SPSB1: variants seen among roughly 807,000 people sequenced by gnomAD.
SPSB1 encodes splA/ryanodine receptor domain and SOCS box containing 1.
A neutral mutation model predicts 21.2 loss-of-function variants in SPSB1; 8 were observed. That is an observed-to-expected ratio of 0.38 (90% confidence interval 0.22 to 0.68). SPSB1 has a LOEUF of 0.68. Among genes scored for constraint, SPSB1 ranks in the 30% least tolerant of loss-of-function variants. SPSB1 has a pLI of 0.53. For synonymous variants in SPSB1, 169 were observed against 161.7 expected (o/e 1.05, Z -0.34); for missense variants, 242 against 377.8 (o/e 0.64, Z 2.98).
At chr1:9,349,573 T>C (rs1241389765) in intron 1 of SPSB1, among the ~76,000 whole-genome samples, 1 of 152,186 alleles carries the variant, frequency 6.6e-6, no homozygotes, top group African/African-American at 2.4e-5. Flanking sequence ...CGTGGGTGGG[T>C]GGACGGCTTG....
intron 1 of SPSB1, among the ~76,000 whole-genome samples, chr1:9,295,697 C>A (rs115843159): frequency 6.6e-6 from 1 of 152,186 alleles, no homozygotes; most frequent in East Asian, 1.9e-4. Context: ...TGGTGTGTGC[C>A]GTGCTCCCTT....
At chr1:9,359,852 G>GGC (rs1553128818) in intron 2 of SPSB1, among the ~76,000 whole-genome samples, 2 of 151,102 alleles carry the variant, frequency 1.3e-5, no homozygotes, top group Non-Finnish European at 2.9e-5. Flanking sequence ...GAAGCCGGGG[G>GGC]GGTGGGTGGC....
At chr1:9,301,269 T>C (rs527618436) in intron 1 of SPSB1, among the ~76,000 whole-genome samples, 3 of 152,124 alleles carry the variant, frequency 2.0e-5, no homozygotes, top group African/African-American at 7.2e-5. Context: ...GTGGGAGGAT[T>C]GCTTGAGCCC....
At chr1:9,329,805 G>C (rs1320528556) in intron 1 of SPSB1, among the ~76,000 whole-genome samples, 2 of 152,148 alleles carry the variant, frequency 1.3e-5, no homozygotes, top group African/African-American at 4.8e-5. Flanking sequence ...TGGGGCCGTG[G>C]GGATGGTAGG....
rs1379197291 is a variant in SPSB1, at chr1:9,302,582, C to G, written c.-150+9511C>G. Among the ~76,000 whole-genome samples, 4 of 152,314 alleles carry G rather than the reference C, an allele frequency of 2.6e-5. No individual in the cohort carries two copies. The East Asian group carries it at 7.7e-4, about 29-fold the overall frequency. ...CGCTTGGATGTCAGAACTCCAGGTT[C>G]TCTGGCCTTTGGACTCTGGGACTCG... is the stretch of plus-strand genomic sequence containing the variant. On this transcript the variant is annotated intron_variant, in intron 1 of 2. Transcript: ENST00000328089.
In SPSB1 at chr1:9,293,736, G is replaced by C. The variant is rs956880830; in HGVS notation, c.-150+665G>C. Among the ~76,000 whole-genome samples, 2 of 152,194 alleles carry C rather than the reference G, an allele frequency of 1.3e-5. No homozygotes were observed. The highest frequency in any genetic ancestry group is 4.8e-5 in the African/African-American group (2 of 41,448). ...TGGGCCCGCGGGAGGAACCGCGGAT[G>C]GGTCACCGTCCCCGGGCGTGTACTG... is the stretch of plus-strand genomic sequence containing the variant. On this transcript the variant is annotated intron_variant, in intron 1 of 2. Coordinates refer to ENST00000328089, the MANE Select transcript of SPSB1 (RefSeq NM_025106.4). This position sits in a 1 kb window ranked among gnomAD's most constrained non-coding sequence, Gnocchi z 5.1.
intron 1 of SPSB1, among the ~76,000 whole-genome samples, chr1:9,296,557 G>A (rs915597035): frequency 8.4e-6 from 1 of 118,860 alleles, no homozygotes; most frequent in Non-Finnish European, 1.9e-5. Flanking sequence ...ATATGCACAT[G>A]CATACTTATG....
chr1:9,357,471 C>T (rs552383871), intron 2 of SPSB1, among the ~76,000 whole-genome samples: 13 of 152,342 alleles, frequency 8.5e-5, no homozygotes, highest in African/African-American at 2.6e-4. Flanking sequence ...AGCATATCAT[C>T]GAGCTGGGGT....
intron 1 of SPSB1, among the ~76,000 whole-genome samples, chr1:9,322,990 G>A (rs1008272426): frequency 3.9e-5 from 6 of 152,048 alleles, no homozygotes; most frequent in East Asian, 1.9e-4. Context: ...TTCCCGTGCC[G>A]CCAGCACTGA....
intron 1 of SPSB1, among the ~76,000 whole-genome samples, chr1:9,328,663 A>G (rs1443450408): frequency 6.6e-6 from 1 of 152,216 alleles, no homozygotes; most frequent in Non-Finnish European, 1.5e-5. Flanking sequence ...TGGGAGAGCC[A>G]TGGAGTTGAC....
chr1:9,351,341 T>A (rs1640255871), intron 1 of SPSB1: 1 of 152,284 alleles, frequency 6.6e-6, no homozygotes. Flanking sequence ...CCAGATGTGG[T>A]GACCAGGAAG....
chr1:9,315,262 C>T lies in SPSB1; in HGVS notation c.-150+22191C>T, dbSNP rs185902558. Among the ~76,000 whole-genome samples, 201 of 152,318 alleles carry T rather than the reference C, an allele frequency of 1.3e-3. 3 individuals carry two copies. Among genetic ancestry groups the T allele is most frequent in the Admixed American group, 0.013 (193 of 15,294 alleles). Reference sequence around the variant, plus strand: ...GGAACCAGCTCAGCAGATTCCACTGCGACAAAAGACCCCGTACTGGCTCCA... The same window carrying T: ...GGAACCAGCTCAGCAGATTCCACTGTGACAAAAGACCCCGTACTGGCTCCA... On this transcript the variant is annotated intron_variant, in intron 1 of 2. Coordinates refer to ENST00000328089, the MANE Select transcript of SPSB1 (RefSeq NM_025106.4).
chr1:9,342,516 T>A (rs1466156910), intron 1 of SPSB1, among the ~76,000 whole-genome samples: 1 of 152,012 alleles, frequency 6.6e-6, no homozygotes, highest in Admixed American at 6.6e-5. Flanking sequence ...TGCCTCAGGG[T>A]GTTGACCTGC....
Position 9,303,693 on chromosome 1 carries a change from C to T in SPSB1, c.-150+10622C>T, listed in dbSNP as rs151297378. Among the ~76,000 whole-genome samples the T allele has an allele frequency of 1.9e-3, 295 of 152,292 alleles. 4 individuals carry two copies. Among genetic ancestry groups the T allele is most frequent in the Middle Eastern group, 6.8e-3 (2 of 294 alleles). On this transcript the variant is annotated intron_variant, in intron 1 of 2. Transcript: ENST00000328089. ...AAGGGATTAATGTGTCTTTGCTATG[C>T]AGGATAGTAGTGTCACGATAGGTGG...
At chr1:9,299,437 G>A (rs1639279529) in intron 1 of SPSB1, among the ~76,000 whole-genome samples, 1 of 152,144 alleles carries the variant, frequency 6.6e-6, no homozygotes, top group Non-Finnish European at 1.5e-5. Context: ...TTAGGAGTTT[G>A]AGACCAGCCT....
intron 1 of SPSB1, among the ~76,000 whole-genome samples, chr1:9,310,459 G>A (rs1006125598): frequency 8.5e-5 from 13 of 152,126 alleles, no homozygotes; most frequent in African/African-American, 2.4e-4. Flanking sequence ...TTGGGAGGCC[G>A]AGGCAGGCAG....
intron 2 of SPSB1, among the ~76,000 whole-genome samples, chr1:9,362,133 G>T (rs574615914): frequency 6.6e-6 from 1 of 152,178 alleles, no homozygotes. Flanking sequence ...GGACTCTGCC[G>T]GGAGCTACTC....
At chr1:9,362,006 G>A (rs530252721) in intron 2 of SPSB1, among the ~76,000 whole-genome samples, 46 of 152,354 alleles carry the variant, frequency 3.0e-4, no homozygotes, top group African/African-American at 8.9e-4. Flanking sequence ...TTTCTTTAAC[G>A]GCTCCCAGAT....
At position 9,301,637 on chromosome 1, in the gene SPSB1, T is replaced by C. The variant is rs549319962; in HGVS notation, c.-150+8566T>C. Among the ~76,000 whole-genome samples the C allele has an allele frequency of 6.6e-5, 10 of 152,336 alleles. No homozygotes were observed. In the East Asian group the frequency reaches 1.9e-3, roughly 29 times the overall value. On this transcript the variant is annotated intron_variant, in intron 1 of 2. Transcript: ENST00000328089. Reference sequence around the variant, plus strand: ...CCTAGGTGGATTCTCGTCAGCCTCTTTCCCTGGCCACCCCTGTCATCGCCT... The same window carrying C: ...CCTAGGTGGATTCTCGTCAGCCTCTCTCCCTGGCCACCCCTGTCATCGCCT...
Sources: allele counts gnomAD v4.1 joint callset (sites outside exome capture counted in the v4.1 genomes callset), GRCh38; gene constraint gnomAD v4.1.1; non-coding constraint Gnocchi (gnomAD v3.1); transcripts MANE v1.5; gene names NCBI Gene and HGNC (gene_info 2026-07-23, HGNC 2026-07-21).